CCR2: variants seen among roughly 807,000 people sequenced by gnomAD.
CCR2 encodes C-C motif chemokine receptor 2, also known as C-C chemokine receptor type 2.
For synonymous variants in CCR2, 183 were observed against 177.1 expected (o/e 1.03, Z -0.27); for missense variants, 408 against 440.0 (o/e 0.93, Z 0.65).
Position 46,358,678 on chromosome 3 carries a change from G to A in CCR2, c.*68G>A. The A allele has an allele frequency of 6.7e-7, 1 of 1,496,872 alleles. No homozygotes were observed. Among genetic ancestry groups the A allele is most frequent in the South Asian group, 1.4e-5 (1 of 73,236 alleles). The allele number at this position is 1,496,872 out of a possible 1,614,324, so 92.7% of individuals were successfully genotyped here. Reference sequence around the variant, plus strand: ...ATCTGTATATAACAACAAACTTCAAGGGTTTGTTGAACAATAGAAACCTGT... The same window carrying A: ...ATCTGTATATAACAACAAACTTCAAAGGTTTGTTGAACAATAGAAACCTGT... On this transcript the variant is annotated 3_prime_UTR_variant, in exon 2 of 2. Coordinates refer to ENST00000445132, the MANE Select transcript of CCR2 (RefSeq NM_001123396.4).
At position 46,359,425 on chromosome 3, in the gene CCR2, C is replaced by A; in HGVS notation, c.*815C>A. The A allele has an allele frequency of 9.0e-7, 1 of 1,108,778 alleles. No homozygotes were observed. Among genetic ancestry groups the A allele is most frequent in the Non-Finnish European group, 1.2e-6 (1 of 863,564 alleles). 68.7% of individuals were successfully genotyped at this position (1,108,778 alleles called of 1,614,324 possible). On this transcript the variant is annotated 3_prime_UTR_variant, in exon 2 of 2. Coordinates refer to ENST00000445132, the MANE Select transcript of CCR2 (RefSeq NM_001123396.4). ...TATATGTATATGCAATATATATAGG[C>A]TCTTGCTTGATCTCTCCAGGAGGTA...
chr3:46,359,725 A>G lies in CCR2; in HGVS notation c.*1115A>G. 6.2e-7 allele frequency: 1 copy of G among 1,614,002 alleles called. No homozygotes were observed. The highest frequency in any genetic ancestry group is 8.5e-7 in the Non-Finnish European group (1 of 1,179,962). On this transcript the variant is annotated 3_prime_UTR_variant, in exon 2 of 2. Transcript: ENST00000445132. ...GTAGGATTGCCCCACTCCAAAAACC[A>G]GTGTGTGGAGGTCCAGGAGTGAGAC...
chr3:46,357,455 T>G, intron 1 of CCR2, 22 bp from the exon 2 acceptor site: 1 of 1,502,322 alleles, frequency 6.7e-7, no homozygotes. Context: ...TGTGTGGTCA[T>G]CATTTTGTTC....
In CCR2 at chr3:46,359,547, A is replaced by G; in HGVS notation, c.*937A>G. 1 of 1,069,302 alleles carries G rather than the reference A, an allele frequency of 9.4e-7. No individual in the cohort carries two copies. Among genetic ancestry groups the G allele is most frequent in the Non-Finnish European group, 1.3e-6 (1 of 757,686 alleles). 66.2% of individuals were successfully genotyped at this position (1,069,302 alleles called of 1,614,324 possible). A position where few individuals can be genotyped will look rare whatever the true frequency, so the allele number is the denominator to read the frequency against. On this transcript the variant is annotated 3_prime_UTR_variant, in exon 2 of 2. Transcript: ENST00000445132. The stretch of plus-strand genomic sequence containing the variant: ...CACTGCAGAACTATTTCCGAAATCA[A>G]CTAAGTGGAGAGAGCCAGGAAGGCT...
Position 46,358,269 on chromosome 3 carries a change from A to G in CCR2, c.742A>G (p.Ile248Val), listed in dbSNP as rs2106721370. Reference protein sequence around the residue: ...RHRAVRVIFTIMIVYFLFWTP... With the variant: ...RHRAVRVIFTVMIVYFLFWTP... ...TAGGGCAGTGAGAGTCATCTTCACC[A>G]TCATGATTGTTTACTTTCTCTTCTG... Residue 248 changes from isoleucine to valine, a missense_variant, in exon 2 of 2, where the codon ATC becomes GTC. Ile to Val is a conservative substitution (Grantham distance 29). Coordinates refer to ENST00000445132, the MANE Select transcript of CCR2 (RefSeq NM_001123396.4). The G allele has an allele frequency of 6.2e-7, 1 of 1,614,206 alleles. No homozygotes were observed. The highest frequency in any genetic ancestry group is 1.1e-5 in the South Asian group (1 of 91,088).
chr3:46,357,422 A>G lies in CCR2; in HGVS notation c.-51-55A>G. The G allele has an allele frequency of 4.0e-6, 5 of 1,239,728 alleles. No homozygotes were observed. The South Asian group carries it at 5.6e-5, about 14-fold the overall frequency. The allele number at this position is 1,239,728 out of a possible 1,614,324, so 76.8% of individuals were successfully genotyped here. ...TATGTGGTGCCAGACTATTTGGAAGATCATGGATTGCGGTGTTTGTGTTGT... is the reference window on the plus strand; with the variant it reads ...TATGTGGTGCCAGACTATTTGGAAGGTCATGGATTGCGGTGTTTGTGTTGT... On this transcript the variant is annotated intron_variant, in intron 1 of 1. Transcript: ENST00000445132.
intron 1 of CCR2, 146 bp downstream of exon 1, chr3:46,354,323 G>A (rs528625061): frequency 6.6e-6 from 1 of 152,536 alleles, no homozygotes; most frequent in South Asian, 2.1e-4. Flanking sequence ...GCAGGGGTGG[G>A]GATGGCATGT....
Position 46,358,556 on chromosome 3 carries a change from G to A in CCR2, c.1029G>A (p.Val343=), listed in dbSNP as rs1320980831. Residue 343 remains valine, a synonymous_variant, in exon 2 of 2, where the codon GTG becomes GTA. Transcript: ENST00000445132. Reference sequence around the variant, plus strand: ...TCTACAGGGAGACAGTGGATGGAGTGACTTCAACAAACACGCCTTCCACTG... The same window carrying A: ...TCTACAGGGAGACAGTGGATGGAGTAACTTCAACAAACACGCCTTCCACTG... The part of the protein sequence containing the change: ...PVFYRETVDG[V]TSTNTPSTGE... 9 of 1,608,980 alleles carry A rather than the reference G, an allele frequency of 5.6e-6. No homozygotes were observed. The highest frequency in any genetic ancestry group is 7.6e-6 in the Non-Finnish European group (9 of 1,177,642).
At chr3:46,356,727 G>T (rs1701459244) in intron 1 of CCR2, among the ~76,000 whole-genome samples, 1 of 152,038 alleles carries the variant, frequency 6.6e-6, no homozygotes, top group Non-Finnish European at 1.5e-5. Context: ...AGACCATCCT[G>T]GCCAACATGG....
chr3:46,354,200 A>G (rs541258352), intron 1 of CCR2, 23 bp downstream of exon 1: 1 of 152,142 alleles, frequency 6.6e-6, no homozygotes, highest in Admixed American at 6.5e-5. Flanking sequence ...CATTTTTTCC[A>G]TTACTTTCTG....
rs1361190411 is a variant in CCR2, at chr3:46,359,853, G to C, written c.*1243G>C. The C allele has an allele frequency of 5.6e-6, 9 of 1,612,880 alleles. 1 individual carries two copies. The Admixed American group carries it at 1.3e-4, about 24-fold the overall frequency. On this transcript the variant is annotated 3_prime_UTR_variant, in exon 2 of 2. Transcript: ENST00000445132. ...GAAGCCAGTCTTCAGGACAAAGAAG[G>C]AGCCTAGAGACAGAAATGACAGATC...
chr3:46,359,727 T>A lies in CCR2; in HGVS notation c.*1117T>A. On this transcript the variant is annotated 3_prime_UTR_variant, in exon 2 of 2. Coordinates refer to ENST00000445132, the MANE Select transcript of CCR2 (RefSeq NM_001123396.4). The stretch of plus-strand genomic sequence containing the variant: ...AGGATTGCCCCACTCCAAAAACCAG[T>A]GTGTGGAGGTCCAGGAGTGAGACCA... 1 of 1,613,902 alleles carries A rather than the reference T, an allele frequency of 6.2e-7. No individual in the cohort carries two copies.
chr3:46,358,389 C>T lies in CCR2; in HGVS notation c.862C>T (p.Gln288Ter). ...CACCAGTCAACTGGACCAAGCCACG[C>T]AGGTGACAGAGACTCTTGGGATGAC... ...ESTSQLDQATQVTETLGMTHC... is the reference protein window; with the variant it reads ...ESTSQLDQAT Residue 288 changes from glutamine to a stop codon, truncating the protein, a stop_gained, in exon 2 of 2, where the codon CAG (glutamine) becomes TAG (stop). Transcript: ENST00000445132. LOFTEE classifies it high-confidence loss of function. 6.2e-7 allele frequency: 1 copy of T among 1,614,130 alleles called. No individual in the cohort carries two copies. Among genetic ancestry groups the T allele is most frequent in the Non-Finnish European group, 8.5e-7 (1 of 1,179,996 alleles).
At chr3:46,356,768 A>C (rs3918382) in intron 1 of CCR2, among the ~76,000 whole-genome samples, 1,947 of 152,160 alleles carry the variant, frequency 0.013, 45 homozygotes, top group African/African-American at 0.044. Flanking sequence ...AAATACAAAA[A>C]TTAGCGGGGC....
chr3:46,357,382 G>T, intron 1 of CCR2, 95 bp from the exon 2 acceptor site: 2 of 817,398 alleles, frequency 2.4e-6, no homozygotes, highest in Non-Finnish European at 3.9e-6. Context: ...AGAGGGCAAA[G>T]ACTGGGAAGT....
At position 46,358,852 on chromosome 3, in the gene CCR2, A is replaced by G. The variant is rs1195568286; in HGVS notation, c.*242A>G. 7.8e-7 allele frequency: 1 copy of G among 1,278,596 alleles called. No individual in the cohort carries two copies. Among genetic ancestry groups the G allele is most frequent in the African/African-American group, 1.5e-5 (1 of 66,192 alleles). 79.2% of individuals were successfully genotyped at this position (1,278,596 alleles called of 1,614,324 possible). A position where few individuals can be genotyped will look rare whatever the true frequency, so the allele number is the denominator to read the frequency against. Reference sequence around the variant, plus strand: ...GAAAGCTCATCTCAGCTCCTGAAAAATGCCTCATTACCTTGTGCTAATCCT... The same window carrying G: ...GAAAGCTCATCTCAGCTCCTGAAAAGTGCCTCATTACCTTGTGCTAATCCT... On this transcript the variant is annotated 3_prime_UTR_variant, in exon 2 of 2. Coordinates refer to ENST00000445132, the MANE Select transcript of CCR2 (RefSeq NM_001123396.4).
rs1575273131 is a variant in CCR2 at position 46,357,780 on chromosome 3, G to A, written c.253G>A (p.Ala85Thr). The part of the protein sequence containing the change: ...CLTDIYLLNL[A>T]ISDLLFLITL... ...GACTGACATTTACCTGCTCAACCTGGCCATCTCTGATCTGCTTTTTCTTAT... is the reference window on the plus strand; with the variant it reads ...GACTGACATTTACCTGCTCAACCTGACCATCTCTGATCTGCTTTTTCTTAT... The change falls in exon 2 of 2, where the codon GCC becomes ACC. Residue 85 changes from alanine to threonine, a missense_variant. By Grantham distance (58) the Ala-to-Thr change is moderately conservative. Transcript: ENST00000445132. 6.2e-7 allele frequency: 1 copy of A among 1,614,116 alleles called. No individual in the cohort carries two copies. The highest frequency in any genetic ancestry group is 8.5e-7 in the Non-Finnish European group (1 of 1,180,008).
rs759501183 is a variant in CCR2, at chr3:46,357,801, C to G, written c.274C>G (p.Leu92Val). 4.3e-6 allele frequency: 7 copies of G among 1,614,176 alleles called. No homozygotes were observed. In the South Asian group the frequency reaches 6.6e-5, roughly 15 times the overall value. The change falls in exon 2 of 2, where the codon CTT becomes GTT. Residue 92 changes from leucine (L) to valine (V), a missense_variant. Transcript: ENST00000445132. ...CCTGGCCATCTCTGATCTGCTTTTT[C>G]TTATTACTCTCCCATTGTGGGCTCA... ...LNLAISDLLF[L>V]ITLPLWAHSA...
At chr3:46,355,436 G>T (rs150644817) in intron 1 of CCR2, among the ~76,000 whole-genome samples, 12 of 152,266 alleles carry the variant, frequency 7.9e-5, no homozygotes, top group Non-Finnish European at 1.5e-4. Flanking sequence ...AGGGACTGGA[G>T]GTGAGGCTGA....
Sources: gnomAD v4.1 joint callset for allele counts (sites outside exome capture counted in the v4.1 genomes callset) on GRCh38, gnomAD v4.1.1 for gene constraint, MANE v1.5 for transcripts, NCBI Gene and HGNC (gene_info 2026-07-23, HGNC 2026-07-21) for gene names.